The following WDR7 variants were observed in gnomAD, a reference collection of about 807,000 sequenced individuals.
WDR7 encodes the protein WD repeat domain 7, also known as WD repeat-containing protein 7.
In WDR7, 46 loss-of-function variants were observed where a neutral mutation model predicts 169.4. The ratio of observed to expected loss-of-function variants is 0.27; its 90% CI spans 0.21 to 0.35. The LOEUF (loss-of-function observed/expected upper bound fraction) is 0.35. WDR7 is among the 10% of genes least tolerant of loss of function. WDR7 has a pLI of 1.00. For missense variants in WDR7, 1,534 were observed against 1,859.3 expected (o/e 0.83, Z 3.22); for synonymous variants, 612 against 666.8 (o/e 0.92, Z 1.27).
chr18:56,754,247 T>G (rs1335252030), intron 14 of WDR7, among the ~76,000 whole-genome samples: 4 of 141,632 alleles, frequency 2.8e-5, no homozygotes, highest in Non-Finnish European at 3.1e-5. Context: ...GTTTTGTGCT[T>G]TGTGTGTGTG....
intron 20 of WDR7, among the ~76,000 whole-genome samples, chr18:56,831,621 C>T (rs541296463): frequency 7.2e-4 from 109 of 151,996 alleles, no homozygotes; most frequent in African/African-American, 2.5e-3. Context: ...TTCTGCATTT[C>T]GAACTGAGGT....
intron 19 of WDR7, among the ~76,000 whole-genome samples, chr18:56,799,421 GT>G (rs200971699): frequency 3.7e-5 from 5 of 134,274 alleles, no homozygotes; most frequent in Admixed American, 2.8e-4. Flanking sequence ...AAATATTTTG[GT>G]TTTTTTTATT....
At chr18:56,861,997 G>A (rs1200323832) in intron 20 of WDR7, among the ~76,000 whole-genome samples, 1 of 151,798 alleles carries the variant, frequency 6.6e-6, no homozygotes, top group Non-Finnish European at 1.5e-5. Flanking sequence ...GATGTTTAAG[G>A]GGTAAATGAG....
At chr18:56,967,345 C>A (rs1336636101) in intron 26 of WDR7, among the ~76,000 whole-genome samples, 1 of 151,940 alleles carries the variant, frequency 6.6e-6, no homozygotes, top group Middle Eastern at 3.2e-3. Context: ...GCTGACTGTG[C>A]TTTTACTTGG....
At chr18:56,786,387 G>A (rs560150909) in intron 19 of WDR7, among the ~76,000 whole-genome samples, 1 of 152,050 alleles carries the variant, frequency 6.6e-6, no homozygotes, top group East Asian at 1.9e-4. Context: ...AATTTAGCCG[G>A]GCATGGCTGC....
At chr18:56,671,644 G>A (rs594740) in intron 1 of WDR7, among the ~76,000 whole-genome samples, 139,769 of 152,236 alleles carry the variant, frequency 0.92, 65,328 homozygotes, top group East Asian at 1. Context: ...GGTATTTATT[G>A]CTGGTTTGGA....
At chr18:56,834,253 C>T (rs1014804982) in intron 20 of WDR7, among the ~76,000 whole-genome samples, 1 of 152,150 alleles carries the variant, frequency 6.6e-6, no homozygotes, top group Non-Finnish European at 1.5e-5. Context: ...GAGTGCTGTA[C>T]AAAGTAATCT....
rs74763356 is a variant in WDR7 at position 56,724,122 on chromosome 18, A to G, written c.1774+5963A>G. Among the ~76,000 whole-genome samples the G allele has an allele frequency of 2.8e-3, 405 of 147,074 alleles. 4 individuals carry two copies. The East Asian group carries it at 0.037, about 14-fold the overall frequency. On this transcript the variant is annotated intron_variant, in intron 13 of 27. Coordinates refer to ENST00000254442, the MANE Select transcript of WDR7 (RefSeq NM_015285.3). ...TTAATGCCGTTGTCTTCAAATTTTAATATGTTTATCAGTTCTGGGCTTGTT... is the reference window on the plus strand; with the variant it reads ...TTAATGCCGTTGTCTTCAAATTTTAGTATGTTTATCAGTTCTGGGCTTGTT...
At chr18:56,703,286 G>A (rs1436751724) in intron 12 of WDR7, among the ~76,000 whole-genome samples, 1 of 152,072 alleles carries the variant, frequency 6.6e-6, no homozygotes, top group Non-Finnish European at 1.5e-5. Flanking sequence ...AGCCAGTAAG[G>A]GCAATTGACA....
At chr18:56,796,700 T>A (rs971142585) in intron 19 of WDR7, among the ~76,000 whole-genome samples, 8 of 152,214 alleles carry the variant, frequency 5.3e-5, no homozygotes, top group Non-Finnish European at 1.0e-4. Flanking sequence ...ATTTAATACC[T>A]ACTAAATCCA....
intron 20 of WDR7, among the ~76,000 whole-genome samples, chr18:56,874,681 GATAA>G (rs1334763629): frequency 1.1e-4 from 17 of 152,072 alleles, no homozygotes; most frequent in African/African-American, 3.9e-4. Flanking sequence ...TAGTTTTAAA[GATAA>G]ATCTATTATC....
chr18:56,718,293 T>C (rs976566004), intron 13 of WDR7, 134 bp downstream of exon 13: 3 of 951,852 alleles, frequency 3.2e-6, no homozygotes, highest in Non-Finnish European at 4.5e-6. Flanking sequence ...TCTAATTGTT[T>C]AAGTGGCCTC....
downstream of WDR7, chr18:57,030,947 A>G (rs377404682): frequency 2.6e-5 from 4 of 151,706 alleles, no homozygotes; most frequent in African/African-American, 9.7e-5. Flanking sequence ...AACTAAGCTC[A>G]CAATTGTGTG....
In WDR7 at chr18:56,809,809, G is replaced by GTA. The variant is rs3045240; in HGVS notation, c.3191-6209_3191-6208dup. On this transcript the variant is annotated intron_variant, in intron 19 of 27. Coordinates refer to ENST00000254442, the MANE Select transcript of WDR7 (RefSeq NM_015285.3). The stretch of plus-strand genomic sequence containing the variant: ...TTTTTAACAAGCTAAGTTTTTGGAA[G>GTA]TATATATATATATAGTAAAATGCAC... Among the ~76,000 whole-genome samples, 1,000 of 150,584 alleles carry GTA rather than the reference G, an allele frequency of 6.6e-3. 3 individuals are homozygous for GTA. Among genetic ancestry groups the GTA allele is most frequent in the African/African-American group, 8.8e-3 (362 of 41,148 alleles).
chr18:56,910,587 T>C (rs1311743348), intron 21 of WDR7, among the ~76,000 whole-genome samples: 2 of 152,214 alleles, frequency 1.3e-5, no homozygotes, highest in Non-Finnish European at 2.9e-5. Context: ...ATGCTAGTTG[T>C]AATTGTCCTA....
At chr18:57,026,017 T>G (rs1568320112) in intron 27 of WDR7, among the ~76,000 whole-genome samples, 1 of 152,234 alleles carries the variant, frequency 6.6e-6, no homozygotes, top group Non-Finnish European at 1.5e-5. Context: ...AAAGTGTTAT[T>G]TCCAAGGCTT....
chr18:56,768,667 G>A (rs75190986), intron 16 of WDR7, among the ~76,000 whole-genome samples: 1,657 of 152,164 alleles, frequency 0.011, 44 homozygotes, highest in African/African-American at 0.038. Flanking sequence ...TTCTACTTTG[G>A]CTTTTCTTAG....
At chr18:56,773,966 A>T (rs1861906) in intron 16 of WDR7, among the ~76,000 whole-genome samples, 1 of 151,644 alleles carries the variant, frequency 6.6e-6, no homozygotes, top group Non-Finnish European at 1.5e-5. Flanking sequence ...CTTTAAAAGG[A>T]CTCATCATTA....
At chr18:56,892,693 C>G (rs1169900386) in intron 21 of WDR7, among the ~76,000 whole-genome samples, 4 of 152,026 alleles carry the variant, frequency 2.6e-5, no homozygotes, top group African/African-American at 7.2e-5. Context: ...AGGAAAAAGA[C>G]AACAGAAAAC....
Sources: allele counts gnomAD v4.1 joint callset (sites outside exome capture counted in the v4.1 genomes callset), GRCh38; gene constraint gnomAD v4.1.1; transcripts MANE v1.5; gene names NCBI Gene and HGNC (gene_info 2026-07-23, HGNC 2026-07-21).